The following RNF144B variants were observed in gnomAD, a reference collection of about 807,000 sequenced individuals.
RNF144B encodes the protein ring finger protein 144B, also known as E3 ubiquitin-protein ligase RNF144B.
A neutral mutation model predicts 40.2 loss-of-function variants in RNF144B; 25 were observed. The ratio of observed to expected loss-of-function variants is 0.62; its 90% CI spans 0.45 to 0.87. The LOEUF (loss-of-function observed/expected upper bound fraction) is 0.87. Ranked by LOEUF, RNF144B falls within the 40% of genes least tolerant of loss-of-function variation. The pLI is 0.00. For synonymous variants in RNF144B, 145 were observed against 136.3 expected, an observed-to-expected ratio of 1.06 and a Z score of -0.44; for missense variants, 365 against 373.7, an observed-to-expected ratio of 0.98 and a Z score of 0.19.
At position 18,463,305 on chromosome 6, in the gene RNF144B, C is replaced by G; in HGVS notation, c.696C>G (p.Leu232=). 1.2e-6 allele frequency: 2 copies of G among 1,601,936 alleles called. No individual in the cohort carries two copies. The highest frequency in any genetic ancestry group is 1.7e-6 in the Non-Finnish European group (2 of 1,168,920). The change falls in exon 7 of 8, where the codon CTC becomes CTG. Residue 232 remains leucine (L), a synonymous_variant. Coordinates refer to ENST00000259939, the MANE Select transcript of RNF144B (RefSeq NM_182757.4). The part of the protein sequence containing the change: ...CLQNLDNDIF[L]RHYDKGPCRN... The stretch of plus-strand genomic sequence containing the variant: ...TTATTTTTCAGAATGACATTTTCCT[C>G]AGACATTATGACAAAGGGCCATGCA...
chr6:18,439,703 T>C lies in RNF144B; in HGVS notation c.290T>C (p.Val97Ala). The C allele has an allele frequency of 6.2e-7, 1 of 1,612,898 alleles. No individual in the cohort carries two copies. The highest frequency in any genetic ancestry group is 8.5e-7 in the Non-Finnish European group (1 of 1,178,942). ...TTTCAGATTGCCTGTTTGGTACCTG[T>C]GGACCAGTTTCAACTTTATCAGAGG... is the stretch of plus-strand genomic sequence containing the variant. ...QEAEIACLVP[V>A]DQFQLYQRLK... Residue 97 changes from valine (V) to alanine (A), a missense_variant, in exon 4 of 8, where the codon GTG (valine) becomes GCG (alanine). Physicochemically the swap from Val to Ala is moderately conservative, Grantham distance 64. Coordinates refer to ENST00000259939, the MANE Select transcript of RNF144B (RefSeq NM_182757.4).
intron 2 of RNF144B, among the ~76,000 whole-genome samples, chr6:18,402,866 A>G (rs1039645863): frequency 1.3e-5 from 2 of 152,240 alleles, no homozygotes; most frequent in African/African-American, 4.8e-5. Flanking sequence ...CTCAGTTTTA[A>G]TATGCAGAAT....
intron 2 of RNF144B, among the ~76,000 whole-genome samples, chr6:18,413,644 G>A (rs149718914): frequency 2.6e-4 from 40 of 152,356 alleles, no homozygotes; most frequent in Admixed American, 7.2e-4. Flanking sequence ...CTGCCTCAAT[G>A]ACTGATGTTC....
rs752975349 is a variant in RNF144B at position 18,457,640 on chromosome 6, A to G, written c.536+281A>G. 7.2e-5 allele frequency among the ~76,000 whole-genome samples: 11 copies of G among 152,200 alleles called. 1 individual carries two copies. The highest frequency in any genetic ancestry group is 4.1e-4 in the South Asian group (2 of 4,830). On this transcript the variant is annotated intron_variant, in intron 5 of 7. Transcript: ENST00000259939. The surrounding 1 kb of genome is among the most constrained non-coding windows in gnomAD (Gnocchi z 5.1). Reference sequence around the variant, plus strand: ...GCACCGTGGTCTACTGGTTCTCAGTAGGAAATCATGACTTGTTCCCGCTCT... The same window carrying G: ...GCACCGTGGTCTACTGGTTCTCAGTGGGAAATCATGACTTGTTCCCGCTCT...
At chr6:18,438,554 A>G (rs775042254) in intron 3 of RNF144B, among the ~76,000 whole-genome samples, 3 of 152,212 alleles carry the variant, frequency 2.0e-5, no homozygotes, top group Non-Finnish European at 4.4e-5. Flanking sequence ...TAGCTAATTT[A>G]GATTCATTTG....
chr6:18,396,377 A>G (rs1794694474), intron 1 of RNF144B: 1 of 956,006 alleles, frequency 1.0e-6, no homozygotes, highest in Non-Finnish European at 1.2e-6. Flanking sequence ...GTTTTTCAAG[A>G]GTACATTAAA....
chr6:18,391,469 C>A (rs1376741096), intron 1 of RNF144B, among the ~76,000 whole-genome samples: 1 of 152,138 alleles, frequency 6.6e-6, no homozygotes, highest in Non-Finnish European at 1.5e-5. Flanking sequence ...CTCCCACCTT[C>A]TTTGATAAGT....
rs2113520079 is a variant in RNF144B at position 18,443,828 on chromosome 6, T to C, written c.331+4084T>C. 6.6e-6 allele frequency among the ~76,000 whole-genome samples: 1 copy of C among 152,264 alleles called. No individual in the cohort carries two copies. Among genetic ancestry groups the C allele is most frequent in the South Asian group, 2.1e-4 (1 of 4,822 alleles). ...GACTATGTTGTGAATATATATTTGA[T>C]GTGAAACCATTTATAAGGGGACTTT... On this transcript the variant is annotated intron_variant, in intron 4 of 7. Coordinates refer to ENST00000259939, the MANE Select transcript of RNF144B (RefSeq NM_182757.4). The surrounding 1 kb of genome is among the most constrained non-coding windows in gnomAD (Gnocchi z 4.7).
rs181484152 is a variant in RNF144B at position 18,395,165 on chromosome 6, G to A, written c.-36-4334G>A. Among the ~76,000 whole-genome samples, 1 of 152,268 alleles carries A rather than the reference G, an allele frequency of 6.6e-6. No individual in the cohort carries two copies. The highest frequency in any genetic ancestry group is 1.5e-5 in the Non-Finnish European group (1 of 68,026). Reference sequence around the variant, plus strand: ...GTTAGCTTTTAAAATCAAGTGGTAGGGTGGATAATTCAAGTCACTTTCTTA... The same window carrying A: ...GTTAGCTTTTAAAATCAAGTGGTAGAGTGGATAATTCAAGTCACTTTCTTA... On this transcript the variant is annotated intron_variant, in intron 1 of 7. Coordinates refer to ENST00000259939, the MANE Select transcript of RNF144B (RefSeq NM_182757.4). The surrounding 1 kb of genome is among the most constrained non-coding windows in gnomAD (Gnocchi z 4.5).
rs1472759345 is a variant in RNF144B, at chr6:18,466,299, A to G, written c.*1232A>G. On this transcript the variant is annotated 3_prime_UTR_variant, in exon 8 of 8. Transcript: ENST00000259939. Reference sequence around the variant, plus strand: ...GCTAATTGATAACCGAGTCATTTACATGTTTTCGAACACAGAATAGCTCTT... The same window carrying G: ...GCTAATTGATAACCGAGTCATTTACGTGTTTTCGAACACAGAATAGCTCTT... 1.3e-5 allele frequency: 2 copies of G among 152,236 alleles called. No homozygotes were observed. The highest frequency in any genetic ancestry group is 2.9e-5 in the Non-Finnish European group (2 of 68,032). The allele number at this position is 152,236 out of a possible 1,614,324, so 9.4% of individuals were successfully genotyped here. A position where few individuals can be genotyped will look rare whatever the true frequency, so the allele number is the denominator to read the frequency against.
At chr6:18,463,608 T>A (rs558795847) in intron 7 of RNF144B, among the ~76,000 whole-genome samples, 1 of 152,222 alleles carries the variant, frequency 6.6e-6, no homozygotes, top group Non-Finnish European at 1.5e-5. Context: ...GCACCAGAGC[T>A]GCCAGGCAGT....
rs1759040161 is a variant in RNF144B at position 18,444,737 on chromosome 6, C to T, written c.331+4993C>T. 6.6e-6 allele frequency among the ~76,000 whole-genome samples: 1 copy of T among 152,218 alleles called. No homozygotes were observed. Among genetic ancestry groups the T allele is most frequent in the East Asian group, 1.9e-4 (1 of 5,184 alleles). ...TCTGTTAATATTACTGACTTCACTC[C>T]TGTATTAAGTATGTGCTTATTTATG... is the stretch of plus-strand genomic sequence containing the variant. On this transcript the variant is annotated intron_variant, in intron 4 of 7. Transcript: ENST00000259939. This position sits in a 1 kb window ranked among gnomAD's most constrained non-coding sequence, Gnocchi z 4.3.
At position 18,450,568 on chromosome 6, in the gene RNF144B, G is replaced by A. The variant is rs1040905739; in HGVS notation, c.332-6587G>A. Reference sequence around the variant, plus strand: ...CCCACCTCGGCCTCCCAAAGTGCTAGGATTACAGTTGTGAGCCACCACACC... The same window carrying A: ...CCCACCTCGGCCTCCCAAAGTGCTAAGATTACAGTTGTGAGCCACCACACC... On this transcript the variant is annotated intron_variant, in intron 4 of 7. Coordinates refer to ENST00000259939, the MANE Select transcript of RNF144B (RefSeq NM_182757.4). This position sits in a 1 kb window ranked among gnomAD's most constrained non-coding sequence, Gnocchi z 4.7. Among the ~76,000 whole-genome samples the A allele has an allele frequency of 6.6e-6, 1 of 152,138 alleles. No homozygotes were observed. The highest frequency in any genetic ancestry group is 2.4e-5 in the African/African-American group (1 of 41,430).
intron 1 of RNF144B, among the ~76,000 whole-genome samples, chr6:18,388,366 A>C: frequency 6.6e-6 from 1 of 152,176 alleles, no homozygotes; most frequent in East Asian, 1.9e-4. Context: ...GAACATTGAG[A>C]GGTATAAATT....
chr6:18,427,041 T>C (rs1197832128), intron 2 of RNF144B, among the ~76,000 whole-genome samples: 1 of 152,206 alleles, frequency 6.6e-6, no homozygotes, highest in Non-Finnish European at 1.5e-5. Context: ...TTATCTTTGC[T>C]GTCCCCAGTC....
intron 2 of RNF144B, among the ~76,000 whole-genome samples, chr6:18,408,231 C>T (rs921085081): frequency 2.0e-5 from 3 of 152,062 alleles, no homozygotes; most frequent in South Asian, 2.1e-4. Context: ...GTGTTCCTCC[C>T]GCCTTGGCCT....
At position 18,441,909 on chromosome 6, in the gene RNF144B, C is replaced by T. The variant is rs964855372; in HGVS notation, c.331+2165C>T. Among the ~76,000 whole-genome samples, 10 of 152,188 alleles carry T rather than the reference C, an allele frequency of 6.6e-5. No individual in the cohort carries two copies. On this transcript the variant is annotated intron_variant, in intron 4 of 7. Coordinates refer to ENST00000259939, the MANE Select transcript of RNF144B (RefSeq NM_182757.4). The surrounding 1 kb of genome is among the most constrained non-coding windows in gnomAD (Gnocchi z 4.9). ...TTTTAACAGTTGGCAATAAAAATAA[C>T]TTAAAAGTAGCACGTTTTAAATTAA...
At position 18,463,292 on chromosome 6, in the gene RNF144B, A is replaced by G; in HGVS notation, c.683A>G (p.Asn228Ser). 4 of 1,583,790 alleles carry G rather than the reference A, an allele frequency of 2.5e-6. No individual in the cohort carries two copies. Among genetic ancestry groups the G allele is most frequent in the Non-Finnish European group, 3.5e-6 (4 of 1,152,292 alleles). Reference protein sequence around the residue: ...FCWYCLQNLDNDIFLRHYDKG... With the variant: ...FCWYCLQNLDSDIFLRHYDKG... ...GAAATCAATCTTTTTATTTTTCAGAATGACATTTTCCTCAGACATTATGAC... is the reference window on the plus strand; with the variant it reads ...GAAATCAATCTTTTTATTTTTCAGAGTGACATTTTCCTCAGACATTATGAC... Residue 228 changes from asparagine to serine, a missense_variant and splice_region_variant, in exon 7 of 8, where the codon AAT becomes AGT. Physicochemically the swap from Asn to Ser is conservative, Grantham distance 46 (BLOSUM62 1). Coordinates refer to ENST00000259939, the MANE Select transcript of RNF144B (RefSeq NM_182757.4).
chr6:18,440,676 C>A (rs1222977155), intron 4 of RNF144B, among the ~76,000 whole-genome samples: 2 of 149,034 alleles, frequency 1.3e-5, no homozygotes, highest in Non-Finnish European at 3.0e-5. Context: ...AAAAAACGTA[C>A]AGAGCATGAA....
Sources: gnomAD v4.1 joint callset for allele counts (sites outside exome capture counted in the v4.1 genomes callset) on GRCh38, gnomAD v4.1.1 for gene constraint, Gnocchi (gnomAD v3.1) non-coding constraint, MANE v1.5 for transcripts, NCBI Gene and HGNC (gene_info 2026-07-23, HGNC 2026-07-21) for gene names.